MACROD2: variants seen among roughly 807,000 people sequenced by gnomAD.
MACROD2 encodes the protein ADP-ribose glycohydrolase MACROD2.
In MACROD2, 36 loss-of-function variants were observed where a neutral mutation model predicts 70.4. That is an observed-to-expected ratio of 0.51 (90% CI 0.39 to 0.68). The LOEUF (loss-of-function observed/expected upper bound fraction) is 0.68, where lower values mean the gene tolerates loss of function less well. Among genes scored for constraint, MACROD2 ranks in the 30% least tolerant of loss-of-function variants. The pLI is 0.00. For missense variants in MACROD2, 496 were observed against 538.4 expected (o/e 0.92, Z 0.78); for synonymous variants, 172 against 178.8 (o/e 0.96, Z 0.30).
chr20:14,849,114 GCA>G (rs1013876594), intron 5 of MACROD2, among the ~76,000 whole-genome samples: 6 of 152,138 alleles, frequency 3.9e-5, no homozygotes, highest in African/African-American at 1.4e-4. Flanking sequence ...GGGCTCTTTG[GCA>G]CAGTTAGGTG....
intron 3 of MACROD2, among the ~76,000 whole-genome samples, chr20:14,106,742 A>G (rs939242583): frequency 3.9e-5 from 6 of 152,102 alleles, no homozygotes; most frequent in Admixed American, 1.3e-4. Context: ...AAAGAGATTC[A>G]GTTTGTTTGG....
chr20:15,309,742 G>A (rs909631714), intron 6 of MACROD2, among the ~76,000 whole-genome samples: 6 of 151,960 alleles, frequency 3.9e-5, no homozygotes, highest in Non-Finnish European at 7.4e-5. Flanking sequence ...AGAGTATTAC[G>A]GGACCATGGA....
At chr20:14,318,509 T>C (rs895805194) in intron 3 of MACROD2, among the ~76,000 whole-genome samples, 3 of 152,220 alleles carry the variant, frequency 2.0e-5, no homozygotes, top group Non-Finnish European at 4.4e-5. Flanking sequence ...ATGATACTTG[T>C]AGGTAAGCCC....
chr20:14,037,093 A>G (rs1339057067), intron 2 of MACROD2, among the ~76,000 whole-genome samples: 1 of 152,210 alleles, frequency 6.6e-6, no homozygotes, highest in Non-Finnish European at 1.5e-5. Flanking sequence ...TGGTTTTTTA[A>G]TGACCAAAAT....
intron 4 of MACROD2, among the ~76,000 whole-genome samples, chr20:14,657,834 A>G (rs970883949): frequency 6.6e-6 from 1 of 152,190 alleles, no homozygotes; most frequent in Non-Finnish European, 1.5e-5. Flanking sequence ...GCCAATAAGT[A>G]AAGCCATTGG....
At chr20:14,766,280 A>G (rs559734716) in intron 5 of MACROD2, among the ~76,000 whole-genome samples, 3 of 152,018 alleles carry the variant, frequency 2.0e-5, no homozygotes, top group Admixed American at 6.6e-5. Flanking sequence ...CTCATTTAGA[A>G]TGGCACCCCT....
intron 3 of MACROD2, among the ~76,000 whole-genome samples, chr20:14,115,952 G>A (rs1055953257): frequency 6.6e-6 from 1 of 152,164 alleles, no homozygotes; most frequent in African/African-American, 2.4e-5. Context: ...TCAGTAAGCC[G>A]AGATATTAGA....
chr20:15,858,385 T>C (rs562235537), intron 8 of MACROD2, among the ~76,000 whole-genome samples: 1 of 152,324 alleles, frequency 6.6e-6, no homozygotes, highest in South Asian at 2.1e-4. Context: ...ATGGGCCCTT[T>C]TTCCTTTGTA....
intron 3 of MACROD2, among the ~76,000 whole-genome samples, chr20:14,192,807 C>T (rs913863032): frequency 3.9e-5 from 6 of 152,172 alleles, no homozygotes; most frequent in Non-Finnish European, 7.3e-5. Context: ...GGACTGGGAA[C>T]TTGTGATGGT....
chr20:15,641,997 T>C (rs1168907481), intron 8 of MACROD2, among the ~76,000 whole-genome samples: 1 of 152,216 alleles, frequency 6.6e-6, no homozygotes, highest in Non-Finnish European at 1.5e-5. Context: ...AAGGTGGCTT[T>C]GCTGCAAACA....
At chr20:14,362,369 C>A (rs1413755869) in intron 3 of MACROD2, among the ~76,000 whole-genome samples, 1 of 152,112 alleles carries the variant, frequency 6.6e-6, no homozygotes, top group Non-Finnish European at 1.5e-5. Context: ...TATGCTACTT[C>A]CCATGTGTGC....
At chr20:14,342,094 G>A (rs1429200214) in intron 3 of MACROD2, among the ~76,000 whole-genome samples, 2 of 152,156 alleles carry the variant, frequency 1.3e-5, no homozygotes, top group Non-Finnish European at 2.9e-5. Flanking sequence ...GTTCATTCCC[G>A]AACCTATTAC....
rs111993688 is a variant in MACROD2, at chr20:14,278,973, A to G, written c.271+193245A>G. Reference sequence around the variant, plus strand: ...CTATAATACAGAGTTTTTGTCATATAAAGTTTGTGAGGAGCTGGGGGTAAT... The same window carrying G: ...CTATAATACAGAGTTTTTGTCATATGAAGTTTGTGAGGAGCTGGGGGTAAT... On this transcript the variant is annotated intron_variant, in intron 3 of 17. Transcript: ENST00000684519. Among the ~76,000 whole-genome samples, 1,139 of 152,322 alleles carry G rather than the reference A, an allele frequency of 7.5e-3. 14 individuals are homozygous for G. Among genetic ancestry groups the G allele is most frequent in the Non-Finnish European group, 0.012 (784 of 68,022 alleles).
chr20:15,580,634 G>A (rs7266842), intron 8 of MACROD2, among the ~76,000 whole-genome samples: 1 of 152,104 alleles, frequency 6.6e-6, no homozygotes, highest in Non-Finnish European at 1.5e-5. Context: ...AAATGTAGTG[G>A]CCAATGGAAA....
At position 15,228,646 on chromosome 20, in the gene MACROD2, C is replaced by T. The variant is rs1029417911; in HGVS notation, c.419-1294C>T. On this transcript the variant is annotated intron_variant, in intron 5 of 17. Transcript: ENST00000684519. ...CTGGGACTACAGGCACACACCACCA[C>T]GCCTGGCTAATTTTTGTATTTTTAG... 2.7e-4 allele frequency among the ~76,000 whole-genome samples: 41 copies of T among 151,884 alleles called. 1 individual carries two copies. Among genetic ancestry groups the T allele is most frequent in the East Asian group, 7.8e-4 (4 of 5,158 alleles).
At chr20:15,532,365 G>A (rs1276333154) in intron 8 of MACROD2, among the ~76,000 whole-genome samples, 3 of 151,964 alleles carry the variant, frequency 2.0e-5, no homozygotes, top group Non-Finnish European at 2.9e-5. Flanking sequence ...TAGATGTTTG[G>A]TCATCTAGGG....
intron 4 of MACROD2, among the ~76,000 whole-genome samples, chr20:14,502,819 C>A (rs570913569): frequency 2.0e-5 from 3 of 152,258 alleles, no homozygotes; most frequent in East Asian, 1.9e-4. Flanking sequence ...CTTTAATTAA[C>A]CCCTCAAAAA....
At chr20:15,209,516 A>G (rs2076742496) in intron 5 of MACROD2, among the ~76,000 whole-genome samples, 2 of 152,226 alleles carry the variant, frequency 1.3e-5, no homozygotes, top group Admixed American at 1.3e-4. Context: ...AGTGAGGATC[A>G]TCTTATTCTC....
intron 4 of MACROD2, among the ~76,000 whole-genome samples, chr20:14,586,160 A>G (rs954125323): frequency 1.3e-5 from 2 of 152,056 alleles, no homozygotes; most frequent in Non-Finnish European, 2.9e-5. Flanking sequence ...GAGAAACAAT[A>G]TGTATATTTT....
Sources: allele counts gnomAD v4.1 joint callset (sites outside exome capture counted in the v4.1 genomes callset), GRCh38; gene constraint gnomAD v4.1.1; transcripts MANE v1.5; gene names NCBI Gene and HGNC (gene_info 2026-07-23, HGNC 2026-07-21).